ADCY7: variants seen among roughly 807,000 people sequenced by gnomAD.
ADCY7 encodes adenylate cyclase type 7.
Under a neutral mutation model 120.6 loss-of-function variants are expected in ADCY7, and 72 were observed. That is an observed-to-expected ratio of 0.60 (90% CI 0.49 to 0.73). The LOEUF is 0.73. ADCY7 is among the 30% of genes least tolerant of loss of function. The pLI, the probability that ADCY7 is intolerant of heterozygous loss-of-function variation, is 0.00. For synonymous variants in ADCY7, 661 were observed against 628.0 expected, an observed-to-expected ratio of 1.05 and a Z score of -0.78; for missense variants, 1,227 against 1,486.0, an observed-to-expected ratio of 0.83 and a Z score of 2.87.
At chr16:50,296,649 C>A (rs1044983503) in intron 7 of ADCY7, among the ~76,000 whole-genome samples, 4 of 152,072 alleles carry the variant, frequency 2.6e-5, no homozygotes, top group African/African-American at 7.2e-5. Context: ...AGCCACTGCG[C>A]CTGGCCAGAA....
chr16:50,310,597 C>G (rs2036392210), intron 18 of ADCY7, 90 bp from the exon 19 acceptor site: 2 of 1,596,076 alleles, frequency 1.3e-6, no homozygotes, highest in African/African-American at 2.7e-5. Flanking sequence ...TGCTGAGGTG[C>G]AGGGAGTGGG....
intron 1 of ADCY7, among the ~76,000 whole-genome samples, chr16:50,281,126 C>G (rs1256225403): frequency 6.6e-6 from 1 of 152,210 alleles, no homozygotes; most frequent in East Asian, 1.9e-4. Context: ...TGGTTGGGCT[C>G]TGACCCTGCA....
chr16:50,276,176 C>T (rs574644055), intron 1 of ADCY7, among the ~76,000 whole-genome samples: 1 of 152,334 alleles, frequency 6.6e-6, no homozygotes, highest in East Asian at 1.9e-4. Flanking sequence ...TCCCTTGAGG[C>T]CCAACTAGGC....
chr16:50,247,023 C>T (rs1349240865), intron 1 of ADCY7, among the ~76,000 whole-genome samples: 1 of 152,224 alleles, frequency 6.6e-6, no homozygotes, highest in Non-Finnish European at 1.5e-5. Context: ...CCCCCTCGGG[C>T]CTGGTCCAGA....
chr16:50,308,587 A>T (rs1182091849), intron 16 of ADCY7, 80 bp from the exon 17 acceptor site: 1 of 1,555,936 alleles, frequency 6.4e-7, no homozygotes, highest in Non-Finnish European at 8.7e-7. Context: ...TCCCGAGGAT[A>T]CCCCTCCCCA....
chr16:50,246,239 C>A, intron 1 of ADCY7: 1 of 149,942 alleles, frequency 6.7e-6, no homozygotes, highest in South Asian at 1.9e-4. Context: ...GGCGGGCGGG[C>A]CGGGGATGCG....
At chr16:50,303,423 G>T (rs974005758) in intron 10 of ADCY7, among the ~76,000 whole-genome samples, 1 of 152,162 alleles carries the variant, frequency 6.6e-6, no homozygotes, top group Non-Finnish European at 1.5e-5. Context: ...TGTTTGTGGG[G>T]CCCTAGGAGA....
At chr16:50,308,050 A>G (rs1172695950) in intron 15 of ADCY7, among the ~76,000 whole-genome samples, 2 of 151,792 alleles carry the variant, frequency 1.3e-5, no homozygotes, top group African/African-American at 2.4e-5. Flanking sequence ...GCGTTTTTAC[A>G]GTTTTTTCTG....
intron 1 of ADCY7, among the ~76,000 whole-genome samples, chr16:50,270,339 G>C (rs1043192696): frequency 6.6e-6 from 1 of 152,206 alleles, no homozygotes. Flanking sequence ...GAGGTTATCC[G>C]GTCCAGCATC....
At chr16:50,276,747 C>G (rs991285062) in intron 1 of ADCY7, among the ~76,000 whole-genome samples, 3 of 152,092 alleles carry the variant, frequency 2.0e-5, no homozygotes, top group Non-Finnish European at 4.4e-5. Context: ...GCATGTACCA[C>G]TGTGCCTGGC....
intron 1 of ADCY7, among the ~76,000 whole-genome samples, chr16:50,270,356 C>T (rs2033483012): frequency 6.6e-6 from 1 of 152,238 alleles, no homozygotes; most frequent in African/African-American, 2.4e-5. Context: ...CATCCCGCCT[C>T]CAGGCAGAAC....
chr16:50,267,235 G>A (rs1430331257), intron 1 of ADCY7, among the ~76,000 whole-genome samples: 4 of 152,208 alleles, frequency 2.6e-5, no homozygotes, highest in African/African-American at 7.2e-5. Flanking sequence ...CCCAGGGACC[G>A]CATGGGCCAT....
rs138293026 is a variant in ADCY7 at position 50,283,971 on chromosome 16, T to G, written c.-268-3941T>G. On this transcript the variant is annotated intron_variant, in intron 1 of 25. Transcript: ENST00000673801. ...CAATCCGGGAGCCCTGGATTGGATGTGTCTCAGACATGGCAGAAGGATTCC... is the reference window on the plus strand; with the variant it reads ...CAATCCGGGAGCCCTGGATTGGATGGGTCTCAGACATGGCAGAAGGATTCC... Among the ~76,000 whole-genome samples the G allele has an allele frequency of 2.7e-3, 405 of 152,318 alleles. 1 individual carries two copies. The highest frequency in any genetic ancestry group is 9.3e-3 in the African/African-American group (386 of 41,572).
In ADCY7 at chr16:50,291,950, G is replaced by A. The variant is rs529357126; in HGVS notation, c.537+53G>A. 4 of 1,538,370 alleles carry A rather than the reference G, an allele frequency of 2.6e-6. No homozygotes were observed. In the African/African-American group the frequency reaches 4.1e-5, roughly 16 times the overall value. ...GAGGTTTTGTGGTCTGGGTCTAAGG[G>A]CAGATGGGGGGGCCCCCTCTGGGTG... is the stretch of plus-strand genomic sequence containing the variant. On this transcript the variant is annotated intron_variant, in intron 4 of 25. Coordinates refer to ENST00000673801, the MANE Select transcript of ADCY7 (RefSeq NM_001114.5).
At chr16:50,299,074 C>T (rs536471117) in intron 8 of ADCY7, 43 bp downstream of exon 8, 32 of 1,564,014 alleles carry the variant, frequency 2.0e-5, no homozygotes, top group South Asian at 6.9e-5. Context: ...TGCCCTGTGG[C>T]GGACCCTCCT....
upstream of ADCY7, chr16:50,266,490 T>TGCCGCC (rs955709759): frequency 1.2e-5 from 2 of 164,360 alleles, no homozygotes; most frequent in African/African-American, 4.8e-5. Flanking sequence ...TTAGCCTTGC[T>TGCCGCC]GCCGCCGCCG....
At chr16:50,279,661 C>G (rs556007726) in intron 1 of ADCY7, 23 of 152,274 alleles carry the variant, frequency 1.5e-4, no homozygotes, top group African/African-American at 4.8e-4. Flanking sequence ...GGTACCTGGC[C>G]TGGCACCTGG....
chr16:50,264,822 T>G (rs1326752239), upstream of ADCY7, among the ~76,000 whole-genome samples: 1 of 149,796 alleles, frequency 6.7e-6, no homozygotes, highest in Non-Finnish European at 1.5e-5. Flanking sequence ...TCTTATTGGT[T>G]TGTGGGAGGT....
intron 1 of ADCY7, among the ~76,000 whole-genome samples, chr16:50,280,651 C>A (rs9926720): frequency 0.46 from 70,527 of 152,032 alleles, 17,219 homozygotes; most frequent in Middle Eastern, 0.59. Context: ...TCTACCCATC[C>A]CTAGAAGTAG....
Sources: gnomAD v4.1 joint callset for allele counts (sites outside exome capture counted in the v4.1 genomes callset) on GRCh38, gnomAD v4.1.1 for gene constraint, MANE v1.5 for transcripts, NCBI Gene and HGNC (gene_info 2026-07-23, HGNC 2026-07-21) for gene names.